ATF7IP: variants seen among roughly 807,000 people sequenced by gnomAD.
ATF7IP encodes activating transcription factor 7-interacting protein 1.
Under a neutral mutation model 106.4 loss-of-function variants are expected in ATF7IP, and 23 were observed. The ratio of observed to expected loss-of-function variants is 0.22; its 90% CI spans 0.16 to 0.31. The LOEUF is 0.31. Ranked by LOEUF, ATF7IP falls within the 10% of genes least tolerant of loss-of-function variation. The probability of loss-of-function intolerance (pLI) is 1.00; values close to 1 mark genes in which losing one functional copy is unlikely to be tolerated. For synonymous variants in ATF7IP, 542 were observed against 539.0 expected (o/e 1.01, Z -0.08); for missense variants, 1,334 against 1,524.3 (o/e 0.88, Z 2.08).
intron 1 of ATF7IP, among the ~76,000 whole-genome samples, chr12:14,378,103 T>TTC (rs1166649878): frequency 6.8e-6 from 1 of 147,274 alleles, no homozygotes; most frequent in African/African-American, 2.6e-5. Context: ...TCTTTTTCTT[T>TTC]TTTTTTTTTT....
chr12:14,419,148 T>G (rs1163866089), intron 1 of ATF7IP: 1 of 152,206 alleles, frequency 6.6e-6, no homozygotes, highest in East Asian at 1.9e-4. Context: ...TTAGTTCTCA[T>G]GGCAACCTTT....
At chr12:14,410,384 C>T (rs1410523901) in intron 1 of ATF7IP, among the ~76,000 whole-genome samples, 1 of 152,140 alleles carries the variant, frequency 6.6e-6, no homozygotes, top group Non-Finnish European at 1.5e-5. Flanking sequence ...AGCATATCTA[C>T]ACTGTAGACG....
chr12:14,410,666 C>T (rs532377845), intron 1 of ATF7IP, among the ~76,000 whole-genome samples: 35 of 152,172 alleles, frequency 2.3e-4, no homozygotes, highest in South Asian at 1.0e-3. Context: ...TTCTGTGAAA[C>T]GAACAGTATA....
At position 14,403,471 on chromosome 12, in the gene ATF7IP, T is replaced by G. The variant is rs889066851; in HGVS notation, c.-7-20438T>G. Among the ~76,000 whole-genome samples the G allele has an allele frequency of 2.0e-5, 3 of 152,330 alleles. No homozygotes were observed. In the South Asian group the frequency reaches 6.2e-4, roughly 32 times the overall value. ...AGTCAGGCTCCACAAACTGCTCTTC[T>G]AGTCTCTCTAAGCACTGTTCTTTGC... On this transcript the variant is annotated intron_variant, in intron 1 of 14. Transcript: ENST00000261168.
intron 1 of ATF7IP, among the ~76,000 whole-genome samples, chr12:14,400,119 A>T (rs979172811): frequency 2.0e-5 from 3 of 152,222 alleles, no homozygotes; most frequent in Non-Finnish European, 4.4e-5. Context: ...GTGAATTTTC[A>T]TGTGATGATT....
intron 12 of ATF7IP, among the ~76,000 whole-genome samples, chr12:14,478,703 A>G (rs1591950702): frequency 6.6e-6 from 1 of 152,164 alleles, no homozygotes; most frequent in Non-Finnish European, 1.5e-5. Flanking sequence ...ACTTAACATT[A>G]TATAAATAAA....
chr12:14,473,304 G>A (rs866295666), intron 10 of ATF7IP, among the ~76,000 whole-genome samples: 10 of 151,384 alleles, frequency 6.6e-5, no homozygotes, highest in African/African-American at 1.9e-4. Flanking sequence ...GTGTGTGTGT[G>A]TGTGTGTGTG....
chr12:14,479,990 G>A (rs2136807677), intron 12 of ATF7IP, among the ~76,000 whole-genome samples: 1 of 151,784 alleles, frequency 6.6e-6, no homozygotes, highest in Non-Finnish European at 1.5e-5. Flanking sequence ...ATTATGGAAT[G>A]GGGAGTAAAG....
intron 3 of ATF7IP, 146 bp from the exon 4 acceptor site, chr12:14,435,960 C>T: frequency 1.4e-6 from 1 of 737,608 alleles, no homozygotes; most frequent in South Asian, 1.8e-5. Flanking sequence ...AAGCTATATA[C>T]CTTCTAAGAT....
intron 6 of ATF7IP, among the ~76,000 whole-genome samples, chr12:14,448,445 A>G (rs994438935): frequency 3.9e-5 from 6 of 152,200 alleles, no homozygotes; most frequent in Non-Finnish European, 7.4e-5. Flanking sequence ...GATCACATGT[A>G]TAGATTTATG....
rs1941732339 is a variant in ATF7IP at position 14,424,515 on chromosome 12, C to T, written c.600C>T (p.Ser200=). Residue 200 remains serine, a synonymous_variant, in exon 2 of 15, where the codon TCC becomes TCT. Coordinates refer to ENST00000261168, the MANE Select transcript of ATF7IP (RefSeq NM_018179.5). ...TSGDATADDL[S]SGDPTSSDPI... is the part of the protein sequence containing the mutation. ...GTGATGCCACTGCTGATGATCTCTCCTCTGGTGATCCCACCTCTAGTGATC... is the reference window on the plus strand; with the variant it reads ...GTGATGCCACTGCTGATGATCTCTCTTCTGGTGATCCCACCTCTAGTGATC... The T allele has an allele frequency of 1.2e-6, 2 of 1,614,176 alleles. No homozygotes were observed. Among genetic ancestry groups the T allele is most frequent in the East Asian group, 2.2e-5 (1 of 44,876 alleles).
intron 1 of ATF7IP, among the ~76,000 whole-genome samples, chr12:14,376,483 T>C (rs932863132): frequency 1.3e-5 from 2 of 152,256 alleles, no homozygotes; most frequent in Non-Finnish European, 2.9e-5. Flanking sequence ...TATTGTGTGC[T>C]TAACAAAACT....
chr12:14,447,991 A>T (rs1248521511), intron 6 of ATF7IP, among the ~76,000 whole-genome samples: 1 of 151,858 alleles, frequency 6.6e-6, no homozygotes, highest in Admixed American at 6.6e-5. Context: ...TTTATTATTC[A>T]TATTTTAATA....
intron 10 of ATF7IP, among the ~76,000 whole-genome samples, chr12:14,471,123 C>T (rs1944025972): frequency 6.6e-6 from 1 of 152,002 alleles, no homozygotes; most frequent in Non-Finnish European, 1.5e-5. Context: ...TCATTTAATG[C>T]TATTGGATTT....
chr12:14,378,899 A>G (rs766385464), intron 1 of ATF7IP, among the ~76,000 whole-genome samples: 9 of 152,324 alleles, frequency 5.9e-5, no homozygotes, highest in Non-Finnish European at 8.8e-5. Flanking sequence ...TATAAGACAC[A>G]ATTCCTCAGG....
At chr12:14,487,186 A>T (rs1000702834) in intron 13 of ATF7IP, among the ~76,000 whole-genome samples, 1 of 151,702 alleles carries the variant, frequency 6.6e-6, no homozygotes, top group Non-Finnish European at 1.5e-5. Flanking sequence ...GTGGGCCCAA[A>T]TCAAGAAATT....
chr12:14,449,347 T>C (rs1943107197), intron 6 of ATF7IP, among the ~76,000 whole-genome samples: 3 of 152,148 alleles, frequency 2.0e-5, no homozygotes, highest in African/African-American at 7.2e-5. Flanking sequence ...ATCTTCTTTC[T>C]TTTGCGTGTA....
At chr12:14,385,166 G>C in intron 1 of ATF7IP, 1 of 476,508 alleles carries the variant, frequency 2.1e-6, no homozygotes, top group South Asian at 4.1e-5. Flanking sequence ...ATATGCATTA[G>C]CTGTTGTCTA....
At chr12:14,385,497 T>G in intron 1 of ATF7IP, 1 of 1,187,486 alleles carries the variant, frequency 8.4e-7, no homozygotes, top group Non-Finnish European at 1.2e-6. Flanking sequence ...AACTTAGAGC[T>G]TGGTTTTTAA....
Sources: gnomAD v4.1 joint callset for allele counts (sites outside exome capture counted in the v4.1 genomes callset) on GRCh38, gnomAD v4.1.1 for gene constraint, MANE v1.5 for transcripts, NCBI Gene and HGNC (gene_info 2026-07-23, HGNC 2026-07-21) for gene names.